MAP10: variants seen among roughly 807,000 people sequenced by gnomAD.
The protein encoded by MAP10 is microtubule associated protein 10.
A neutral mutation model predicts 6.3 loss-of-function variants in MAP10; 10 were observed. The observed-to-expected ratio is 1.58, with a 90% CI of 0.98 to 2.69. The LOEUF (loss-of-function observed/expected upper bound fraction) is 2.69, where lower values mean the gene tolerates loss of function less well. MAP10 is among the 30% of genes most tolerant of loss of function. The pLI is 0.00. For synonymous variants in MAP10, 459 were observed against 429.3 expected, an observed-to-expected ratio of 1.07 and a Z score of -0.86; for missense variants, 1,189 against 1,086.5, an observed-to-expected ratio of 1.09 and a Z score of -1.33.
chr1:232,808,593 C>G lies in MAP10; in HGVS notation c.*426C>G, dbSNP rs974656404. On this transcript the variant is annotated 3_prime_UTR_variant, in exon 1 of 1. Transcript: ENST00000418460. Reference sequence around the variant, plus strand: ...GGTGCAGAATCTATTTATGATAGAGCCCTGCTGTTTTAAAAGCTTACAGTT... The same window carrying G: ...GGTGCAGAATCTATTTATGATAGAGGCCTGCTGTTTTAAAAGCTTACAGTT... Among the ~76,000 whole-genome samples the G allele has an allele frequency of 6.6e-6, 1 of 152,078 alleles. No homozygotes were observed. Among genetic ancestry groups the G allele is most frequent in the Admixed American group, 6.5e-5 (1 of 15,276 alleles).
rs1558361671 is a variant in MAP10 at position 232,807,065 on chromosome 1, C to T, written c.1616C>T (p.Pro539Leu). ...ATGTTGGGTACAAAATTCAGAATTC[C>T]GTCATCCAAAGTTAAACTATTAAGC... ...SQMLGTKFRIPSSKVKLLSSA... is the reference protein window; with the variant it reads ...SQMLGTKFRILSSKVKLLSSA... The change falls in exon 1 of 1, where the codon CCG (proline) becomes CTG (leucine). Residue 539 changes from proline to leucine, a missense_variant. Transcript: ENST00000418460. 6.2e-7 allele frequency: 1 copy of T among 1,612,510 alleles called. No homozygotes were observed. Among genetic ancestry groups the T allele is most frequent in the Non-Finnish European group, 8.5e-7 (1 of 1,179,446 alleles).
At position 232,807,662 on chromosome 1, in the gene MAP10, G is replaced by T. The variant is rs1340330832; in HGVS notation, c.2213G>T (p.Ser738Ile). The T allele has an allele frequency of 1.2e-6, 2 of 1,611,988 alleles. No homozygotes were observed. Among genetic ancestry groups the T allele is most frequent in the Middle Eastern group, 1.7e-4 (1 of 6,058 alleles). ...SSSRTENPKH[S>I]QYTSKSSDTG... ...TCAAGGACAGAAAATCCAAAACATAGTCAATATACAAGCAAGTCTAGTGAC... is the reference window on the plus strand; with the variant it reads ...TCAAGGACAGAAAATCCAAAACATATTCAATATACAAGCAAGTCTAGTGAC... The change falls in exon 1 of 1, where the codon AGT becomes ATT. Residue 738 changes from serine (S) to isoleucine (I), a missense_variant. Physicochemically the swap from Ser to Ile is moderately radical, Grantham distance 142. Transcript: ENST00000418460.
chr1:232,805,446 A>G lies in MAP10; in HGVS notation c.-4A>G, dbSNP rs1295029516. 4 of 1,611,012 alleles carry G rather than the reference A, an allele frequency of 2.5e-6. No individual in the cohort carries two copies. Among genetic ancestry groups the G allele is most frequent in the Admixed American group, 1.7e-5 (1 of 59,632 alleles). On this transcript the variant is annotated 5_prime_UTR_variant, in exon 1 of 1. Transcript: ENST00000418460. ...CCGCGGCGGCGTTTCCTGGGGCAAC[A>G]GCAATGGCGGCCTCGCTGTCCGAGC...
rs756670090 is a variant in MAP10, at chr1:232,806,091, A to G, written c.642A>G (p.Glu214=). 30 of 1,613,882 alleles carry G rather than the reference A, an allele frequency of 1.9e-5. No homozygotes were observed. In the East Asian group the frequency reaches 4.2e-4, roughly 23 times the overall value. The change falls in exon 1 of 1, where the codon GAA becomes GAG. Residue 214 remains glutamate (E), a synonymous_variant. Transcript: ENST00000418460. ...AGGTCAGTCCCCAAACCCAGCAGGA[A>G]AGACAGCAGCTGCAGCAGCCAGCCT... The part of the protein sequence containing the change: ...GAEVSPQTQQ[E]RQQLQQPASQ...
rs781452675 is a variant in MAP10, at chr1:232,809,081, A to G, written c.*914A>G. 3.6e-4 allele frequency among the ~76,000 whole-genome samples: 55 copies of G among 152,220 alleles called. No individual in the cohort carries two copies. Among genetic ancestry groups the G allele is most frequent in the Admixed American group, 2.6e-3 (39 of 15,294 alleles). On this transcript the variant is annotated 3_prime_UTR_variant, in exon 1 of 1. Transcript: ENST00000418460. The stretch of plus-strand genomic sequence containing the variant: ...AAACTTAAGAAGGTATCTTTTATAC[A>G]GTTTCTGATATAGGAGTTCAGTTTC...
At chr1:232,805,804 C>T in the MAP10 span, 4 of 1,595,952 alleles carry the variant, frequency 2.5e-6, no homozygotes, top group Non-Finnish European at 3.4e-6. Flanking sequence ...CTTGCTGCTG[C>T]AGCTGCCCCC....
chr1:232,807,380 T>G lies in MAP10; in HGVS notation c.1931T>G (p.Ile644Ser). The change falls in exon 1 of 1, where the codon ATC (isoleucine) becomes AGC (serine). Residue 644 changes from isoleucine to serine, a missense_variant. By Grantham distance (142) the Ile-to-Ser change is moderately radical. Coordinates refer to ENST00000418460, the MANE Select transcript of MAP10 (RefSeq NM_019090.3). ...CTGGGAGGAAATGTGGAAATGAAAA[T>G]CCAAAGTCCATGTGTTTTCCAACAG... is the stretch of plus-strand genomic sequence containing the variant. ...NILGGNVEMK[I>S]QSPCVFQQDA... The G allele has an allele frequency of 6.2e-7, 1 of 1,613,860 alleles. No homozygotes were observed. Among genetic ancestry groups the G allele is most frequent in the Non-Finnish European group, 8.5e-7 (1 of 1,179,830 alleles).
chr1:232,807,564 T>G lies in MAP10; in HGVS notation c.2115T>G (p.Ser705=), dbSNP rs199515947. Residue 705 remains serine, a synonymous_variant, in exon 1 of 1, where the codon TCT becomes TCG. Transcript: ENST00000418460. ...AACTGAAGTATTCAGATGATTTGTC[T>G]AGCCCTTGCTATTCTGAAGATTTCT... ...ISELKYSDDL[S]SPCYSEDFCT... The G allele has an allele frequency of 4.3e-6, 7 of 1,612,012 alleles. No homozygotes were observed. In the African/African-American group the frequency reaches 9.3e-5, roughly 21 times the overall value.
Position 232,809,699 on chromosome 1 carries a change from C to G in MAP10, c.*1532C>G, listed in dbSNP as rs920736428. Among the ~76,000 whole-genome samples the G allele has an allele frequency of 1.3e-5, 2 of 151,888 alleles. No individual in the cohort carries two copies. The highest frequency in any genetic ancestry group is 2.9e-5 in the Non-Finnish European group (2 of 67,866). Reference sequence around the variant, plus strand: ...ATTTTAAATTATTGAAAATAATAAGCAGAGAAATTATATCAGTTAAAGTTT... The same window carrying G: ...ATTTTAAATTATTGAAAATAATAAGGAGAGAAATTATATCAGTTAAAGTTT... On this transcript the variant is annotated 3_prime_UTR_variant, in exon 1 of 1. Transcript: ENST00000418460.
rs1326713992 is a variant in MAP10 at position 232,807,607 on chromosome 1, A to C, written c.2158A>C (p.Ser720Arg). Residue 720 changes from serine to arginine, a missense_variant, in exon 1 of 1, where the codon AGC becomes CGC. By Grantham distance (110) the Ser-to-Arg change is moderately radical. Coordinates refer to ENST00000418460, the MANE Select transcript of MAP10 (RefSeq NM_019090.3). Reference sequence around the variant, plus strand: ...AGATTTCTGTACCAGTGAGGACACCAGCAGAAGTTTCAAAGCTCATGATAG... The same window carrying C: ...AGATTTCTGTACCAGTGAGGACACCCGCAGAAGTTTCAAAGCTCATGATAG... ...SEDFCTSEDT[S>R]RSFKAHDSSS... The C allele has an allele frequency of 6.2e-7, 1 of 1,610,124 alleles. No homozygotes were observed.
Position 232,806,780 on chromosome 1 carries a change from G to C in MAP10, c.1331G>C (p.Arg444Pro), listed in dbSNP as rs1204471146. 1 of 1,613,712 alleles carries C rather than the reference G, an allele frequency of 6.2e-7. No individual in the cohort carries two copies. The highest frequency in any genetic ancestry group is 2.2e-5 in the East Asian group (1 of 44,882). Residue 444 changes from arginine to proline, a missense_variant, in exon 1 of 1, where the codon CGG becomes CCG. Arg to Pro is a moderately radical substitution (Grantham distance 103). Coordinates refer to ENST00000418460, the MANE Select transcript of MAP10 (RefSeq NM_019090.3). ...SPESSAKSTCRSEAKKDKRSV... is the reference protein window; with the variant it reads ...SPESSAKSTCPSEAKKDKRSV... Reference sequence around the variant, plus strand: ...GAATCTTCTGCCAAATCCACATGCCGGTCTGAAGCCAAGAAGGATAAGCGT... The same window carrying C: ...GAATCTTCTGCCAAATCCACATGCCCGTCTGAAGCCAAGAAGGATAAGCGT...
chr1:232,807,889 C>G lies in MAP10; in HGVS notation c.2440C>G (p.Gln814Glu), dbSNP rs755730554. The G allele has an allele frequency of 3.1e-6, 5 of 1,613,502 alleles. No homozygotes were observed. The highest frequency in any genetic ancestry group is 2.2e-5 in the East Asian group (1 of 44,868). Reference sequence around the variant, plus strand: ...TGAACAAAAAGAAAACCAGATAGATCAAAATAGTATGCACAATTCTGAAAT... The same window carrying G: ...TGAACAAAAAGAAAACCAGATAGATGAAAATAGTATGCACAATTCTGAAAT... ...WTEQKENQIDQNSMHNSEITK... is the reference protein window; with the variant it reads ...WTEQKENQIDENSMHNSEITK... Residue 814 changes from glutamine to glutamate, a missense_variant, in exon 1 of 1, where the codon CAA becomes GAA. Physicochemically the swap from Gln to Glu is conservative, Grantham distance 29. Transcript: ENST00000418460.
At position 232,806,458 on chromosome 1, in the gene MAP10, TCTC is replaced by T. The variant is rs765072281; in HGVS notation, c.1012_1014del (p.Pro338del). ...TGCACCTGAGGAAATGGATGATGCT[TCTC>T]CTGAAAAAAAGCGTGTAAATCCCCC... On this transcript the variant is annotated inframe_deletion, in exon 1 of 1. Coordinates refer to ENST00000418460, the MANE Select transcript of MAP10 (RefSeq NM_019090.3). 4.5e-5 allele frequency: 72 copies of T among 1,613,670 alleles called. 1 individual carries two copies. The African/African-American group carries it at 8.3e-4, about 19-fold the overall frequency.
Position 232,806,296 on chromosome 1 carries a change from A to G in MAP10, c.847A>G (p.Ser283Gly). 2 of 1,613,986 alleles carry G rather than the reference A, an allele frequency of 1.2e-6. No homozygotes were observed. Reference sequence around the variant, plus strand: ...AGGTGCTGGCAATGGGAGAAATGTTAGCTCCCTAAATGAGGAAGTCACAGA... The same window carrying G: ...AGGTGCTGGCAATGGGAGAAATGTTGGCTCCCTAAATGAGGAAGTCACAGA... ...CSGAGNGRNV[S>G]SLNEEVTELD... The change falls in exon 1 of 1, where the codon AGC (serine) becomes GGC (glycine). Residue 283 changes from serine (S) to glycine (G), a missense_variant. Coordinates refer to ENST00000418460, the MANE Select transcript of MAP10 (RefSeq NM_019090.3).
rs371454812 is a variant in MAP10, at chr1:232,806,804, G to A, written c.1355G>A (p.Arg452His). The A allele has an allele frequency of 3.1e-6, 5 of 1,613,334 alleles. No homozygotes were observed. The highest frequency in any genetic ancestry group is 1.3e-5 in the African/African-American group (1 of 74,880). ...CGGTCTGAAGCCAAGAAGGATAAGC[G>A]TTCTGTGGGGGGATGTGAAAAGTCA... ...TCRSEAKKDKRSVGGCEKSVS... is the reference protein window; with the variant it reads ...TCRSEAKKDKHSVGGCEKSVS... Residue 452 changes from arginine to histidine, a missense_variant, in exon 1 of 1, where the codon CGT (arginine) becomes CAT (histidine). Arg to His is a conservative substitution (Grantham distance 29). Coordinates refer to ENST00000418460, the MANE Select transcript of MAP10 (RefSeq NM_019090.3).
In MAP10 at chr1:232,809,154, GT is replaced by G. The variant is rs567497721; in HGVS notation, c.*992del. ...GGTTATTTTTAGTGTATGGAACTTT[GT>G]TTTTATGAAATCCAGTGATAATTTA... is the stretch of plus-strand genomic sequence containing the variant. On this transcript the variant is annotated 3_prime_UTR_variant, in exon 1 of 1. Coordinates refer to ENST00000418460, the MANE Select transcript of MAP10 (RefSeq NM_019090.3). Among the ~76,000 whole-genome samples, 1 of 152,016 alleles carries G rather than the reference GT, an allele frequency of 6.6e-6. No individual in the cohort carries two copies. The highest frequency in any genetic ancestry group is 2.1e-4 in the South Asian group (1 of 4,822).
Position 232,807,010 on chromosome 1 carries a change from A to G in MAP10, c.1561A>G (p.Arg521Gly), listed in dbSNP as rs1666117559. ...NPDMLVVHEK[R>G]ELYRKRQSQM... ...TGATATGTTGGTGGTACATGAAAAAAGAGAACTATATAGAAAAAGACAATC... is the reference window on the plus strand; with the variant it reads ...TGATATGTTGGTGGTACATGAAAAAGGAGAACTATATAGAAAAAGACAATC... Residue 521 changes from arginine (R) to glycine (G), a missense_variant, in exon 1 of 1, where the codon AGA (arginine) becomes GGA (glycine). Arg to Gly is a moderately radical substitution (Grantham distance 125). Coordinates refer to ENST00000418460, the MANE Select transcript of MAP10 (RefSeq NM_019090.3). The G allele has an allele frequency of 6.2e-7, 1 of 1,612,976 alleles. No individual in the cohort carries two copies. The highest frequency in any genetic ancestry group is 1.7e-5 in the Admixed American group (1 of 59,912).
chr1:232,806,288 G>A lies in MAP10; in HGVS notation c.839G>A (p.Arg280Lys), dbSNP rs1383655250. The A allele has an allele frequency of 1.9e-6, 3 of 1,613,864 alleles. No individual in the cohort carries two copies. Among genetic ancestry groups the A allele is most frequent in the Non-Finnish European group, 2.5e-6 (3 of 1,179,910 alleles). The change falls in exon 1 of 1, where the codon AGA becomes AAA. Residue 280 changes from arginine to lysine, a missense_variant. Transcript: ENST00000418460. Reference protein sequence around the residue: ...VVTCSGAGNGRNVSSLNEEVT... With the variant: ...VVTCSGAGNGKNVSSLNEEVT... ...ACATGTTCAGGTGCTGGCAATGGGA[G>A]AAATGTTAGCTCCCTAAATGAGGAA...
At position 232,806,933 on chromosome 1, in the gene MAP10, T is replaced by C. The variant is rs202096626; in HGVS notation, c.1484T>C (p.Leu495Pro). Reference sequence around the variant, plus strand: ...CATAAAAGAGTTCCAAAAGGGAGGCTACTTTATGGCTTAACAAATACACTA... The same window carrying C: ...CATAAAAGAGTTCCAAAAGGGAGGCCACTTTATGGCTTAACAAATACACTA... ...ALHKRVPKGR[L>P]LYGLTNTLRL... is the part of the protein sequence containing the mutation. The change falls in exon 1 of 1, where the codon CTA becomes CCA. Residue 495 changes from leucine to proline, a missense_variant. Coordinates refer to ENST00000418460, the MANE Select transcript of MAP10 (RefSeq NM_019090.3). The C allele has an allele frequency of 4.7e-4, 752 of 1,608,492 alleles. 1 individual carries two copies. Among genetic ancestry groups the C allele is most frequent in the Non-Finnish European group, 5.8e-4 (680 of 1,178,700 alleles).
Sources: allele counts gnomAD v4.1 joint callset (sites outside exome capture counted in the v4.1 genomes callset), GRCh38; gene constraint gnomAD v4.1.1; transcripts MANE v1.5; gene names NCBI Gene and HGNC (gene_info 2026-07-23, HGNC 2026-07-21).